Variants in KCNT2 observed in about 807,000 individuals in gnomAD.
KCNT2 encodes the protein potassium channel subfamily T member 2.
A neutral mutation model predicts 153.8 loss-of-function variants in KCNT2; 67 were observed. The observed-to-expected ratio is 0.44, with a 90% confidence interval of 0.36 to 0.53. The LOEUF is 0.53. Among genes scored for constraint, KCNT2 ranks in the 20% least tolerant of loss-of-function variants. KCNT2 has a pLI of 0.00. For missense variants in KCNT2, 975 were observed against 1,354.8 expected, an observed-to-expected ratio of 0.72 and a Z score of 4.40; for synonymous variants, 500 against 458.8, an observed-to-expected ratio of 1.09 and a Z score of -1.15.
intron 1 of KCNT2, among the ~76,000 whole-genome samples, chr1:196,508,333 C>T (rs951915686): frequency 2.0e-5 from 3 of 151,380 alleles, no homozygotes; most frequent in Non-Finnish European, 4.4e-5. Context: ...ATATTTTTGA[C>T]CTTTGAACAG....
intron 12 of KCNT2, among the ~76,000 whole-genome samples, chr1:196,420,090 T>C (rs185343347): frequency 1.3e-5 from 2 of 152,188 alleles, no homozygotes; most frequent in East Asian, 3.9e-4. Flanking sequence ...GGTTTTATTG[T>C]TCATTTTATT....
At chr1:196,241,847 T>C (rs1185932140) in intron 26 of KCNT2, among the ~76,000 whole-genome samples, 1 of 152,130 alleles carries the variant, frequency 6.6e-6, no homozygotes, top group Non-Finnish European at 1.5e-5. Flanking sequence ...ACTACCCTAC[T>C]TGTGTTTAAA....
chr1:196,275,564 G>A (rs1658487064), intron 25 of KCNT2, among the ~76,000 whole-genome samples: 1 of 151,884 alleles, frequency 6.6e-6, no homozygotes, highest in Non-Finnish European at 1.5e-5. Flanking sequence ...ATTAGGCAGT[G>A]CTTTCCCACT....
chr1:196,256,290 C>G (rs74133641), intron 26 of KCNT2, among the ~76,000 whole-genome samples: 3,305 of 151,998 alleles, frequency 0.022, 105 homozygotes, highest in African/African-American at 0.075. Context: ...CCCAAAAAAG[C>G]TAACAGTTCT....
intron 14 of KCNT2, among the ~76,000 whole-genome samples, chr1:196,370,285 G>T (rs558519785): frequency 1.3e-5 from 2 of 151,942 alleles, no homozygotes; most frequent in African/African-American, 4.8e-5. Flanking sequence ...TAAAGTGAGC[G>T]GGTCTGAAAA....
chr1:196,510,417 C>A (rs577309571), intron 1 of KCNT2, among the ~76,000 whole-genome samples: 2 of 152,178 alleles, frequency 1.3e-5, no homozygotes, highest in African/African-American at 4.8e-5. Flanking sequence ...CTGGAGCCCA[C>A]ACAATTTACC....
At chr1:196,410,710 T>A (rs1277299505) in intron 12 of KCNT2, among the ~76,000 whole-genome samples, 1 of 145,334 alleles carries the variant, frequency 6.9e-6, no homozygotes. Context: ...GCTCAGTGCT[T>A]AAAAAAAAAA....
At chr1:196,487,332 C>T (rs957399282) in intron 3 of KCNT2, among the ~76,000 whole-genome samples, 1 of 151,588 alleles carries the variant, frequency 6.6e-6, no homozygotes, top group African/African-American at 2.4e-5. Flanking sequence ...AATCAGGATG[C>T]AAAGATTCCG....
At position 196,232,479 on chromosome 1, in the gene KCNT2, C is replaced by T. The variant is rs186449333; in HGVS notation, c.3296+3507G>A. On this transcript the variant is annotated intron_variant, in intron 27 of 27. Transcript: ENST00000294725. ...TCTTAAACTGTGTTTTTATATATTA[C>T]ATGTCATGGTAGGCATCTTTCAAAT... Among the ~76,000 whole-genome samples, 463 of 151,722 alleles carry T rather than the reference C, an allele frequency of 3.1e-3. 1 individual carries two copies. The highest frequency in any genetic ancestry group is 3.9e-3 in the Non-Finnish European group (262 of 67,660).
intron 14 of KCNT2, among the ~76,000 whole-genome samples, chr1:196,360,980 C>T (rs1667569209): frequency 6.6e-6 from 1 of 151,876 alleles, no homozygotes; most frequent in Admixed American, 6.6e-5. Context: ...AAATTCATAT[C>T]CTACAGAGGA....
intron 5 of KCNT2, among the ~76,000 whole-genome samples, chr1:196,476,303 C>A (rs1678523959): frequency 6.6e-6 from 1 of 151,974 alleles, no homozygotes; most frequent in Non-Finnish European, 1.5e-5. Flanking sequence ...ATATTACATT[C>A]AACATTTATC....
chr1:196,608,090 C>T (rs1229032618), intron 1 of KCNT2, 125 bp downstream of exon 1: 3 of 802,768 alleles, frequency 3.7e-6, no homozygotes, highest in African/African-American at 3.4e-5. Flanking sequence ...TTTACTCCCT[C>T]CCCCAGCCTA....
intron 8 of KCNT2, among the ~76,000 whole-genome samples, chr1:196,430,695 G>C (rs1185554596): frequency 1.3e-5 from 2 of 152,022 alleles, no homozygotes; most frequent in Admixed American, 1.3e-4. Flanking sequence ...AGCTATTGAT[G>C]AGGTGACAGT....
chr1:196,274,306 A>G (rs576921677), intron 25 of KCNT2, among the ~76,000 whole-genome samples: 2 of 151,838 alleles, frequency 1.3e-5, no homozygotes, highest in South Asian at 4.1e-4. Context: ...TTGATGTAAT[A>G]TAACTTGTAA....
intron 13 of KCNT2, 152 bp downstream of exon 13, chr1:196,398,411 C>T (rs1671129912): frequency 3.7e-6 from 2 of 538,008 alleles, no homozygotes; most frequent in Non-Finnish European, 6.8e-6. Flanking sequence ...TGGATAAATC[C>T]TCTCGTATCA....
intron 12 of KCNT2, among the ~76,000 whole-genome samples, chr1:196,409,981 C>A (rs901741109): frequency 6.6e-6 from 1 of 151,638 alleles, no homozygotes; most frequent in African/African-American, 2.4e-5. Flanking sequence ...TTGATAATAA[C>A]AATCCTAAGA....
intron 1 of KCNT2, among the ~76,000 whole-genome samples, chr1:196,572,824 G>A (rs1660930178): frequency 6.6e-6 from 1 of 152,044 alleles, no homozygotes; most frequent in South Asian, 2.1e-4. Flanking sequence ...CTTTTATGGA[G>A]TAAGAATGTC....
intron 12 of KCNT2, among the ~76,000 whole-genome samples, chr1:196,400,513 C>T (rs1380809453): frequency 4.6e-5 from 7 of 151,694 alleles, no homozygotes; most frequent in Non-Finnish European, 7.4e-5. Flanking sequence ...AACACACATA[C>T]ACCTTTTAAT....
chr1:196,240,959 TG>T (rs1467082959), intron 26 of KCNT2, among the ~76,000 whole-genome samples: 1 of 151,586 alleles, frequency 6.6e-6, no homozygotes, highest in Non-Finnish European at 1.5e-5. Flanking sequence ...TGAGAGATAT[TG>T]GTAGCAAGAG....
Sources: allele counts gnomAD v4.1 joint callset (sites outside exome capture counted in the v4.1 genomes callset), GRCh38; gene constraint gnomAD v4.1.1; transcripts MANE v1.5; gene names NCBI Gene and HGNC (gene_info 2026-07-23, HGNC 2026-07-21).